CRB1: variants seen among roughly 807,000 people sequenced by gnomAD.
CRB1 encodes crumbs cell polarity complex component 1, also known as protein crumbs homolog 1.
CRB1 carries 83 observed loss-of-function variants against 120.0 expected under a neutral mutation model. The ratio of observed to expected loss-of-function variants is 0.69; its 90% CI spans 0.58 to 0.83. The LOEUF (loss-of-function observed/expected upper bound fraction) is 0.83, where lower values mean the gene tolerates loss of function less well. Ranked by LOEUF, CRB1 falls within the 40% of genes least tolerant of loss-of-function variation. The pLI is 0.00. For missense variants in CRB1, 1,699 were observed against 1,687.6 expected, an observed-to-expected ratio of 1.01 and a Z score of -0.12; for synonymous variants, 625 against 612.5, an observed-to-expected ratio of 1.02 and a Z score of -0.30.
chr1:197,447,794 C>T (rs1490201512), intron 11 of CRB1, among the ~76,000 whole-genome samples: 1 of 150,996 alleles, frequency 6.6e-6, no homozygotes, highest in Admixed American at 6.6e-5. Flanking sequence ...GTCGAGGCTG[C>T]CATGAGCCAT....
intron 5 of CRB1, among the ~76,000 whole-genome samples, chr1:197,418,521 T>C (rs1664118680): frequency 6.6e-6 from 1 of 152,208 alleles, no homozygotes; most frequent in Non-Finnish European, 1.5e-5. Context: ...TTGACAAAGC[T>C]TGTATGAAAG....
chr1:197,252,582 A>ATATGTGTGTGTGTGTGTGTG, the CRB1 span, among the ~76,000 whole-genome samples: 8 of 15,504 alleles, frequency 5.2e-4, no homozygotes, highest in Non-Finnish European at 8.3e-4. Flanking sequence ...ATATATATAT[A>ATATGTGTGTGTGTGTGTGTG]TGTGTGTGTG....
intron 3 of CRB1, among the ~76,000 whole-genome samples, chr1:197,345,825 C>G (rs954709531): frequency 6.6e-6 from 1 of 152,060 alleles, no homozygotes; most frequent in Admixed American, 6.5e-5. Flanking sequence ...TTTAATAGAA[C>G]AATGTGGTTG....
chr1:197,329,508 T>A (rs369176674), intron 2 of CRB1, among the ~76,000 whole-genome samples: 2 of 152,248 alleles, frequency 1.3e-5, no homozygotes, highest in Admixed American at 1.3e-4. Context: ...AGCCTGTTCT[T>A]GTTTTACGTC....
At chr1:197,280,743 T>C (rs1655472477) in intron 1 of CRB1, among the ~76,000 whole-genome samples, 1 of 151,932 alleles carries the variant, frequency 6.6e-6, no homozygotes, top group South Asian at 2.1e-4. Context: ...AGAAGGATAG[T>C]TTTTATTATG....
At chr1:197,291,427 C>T (rs1434919674) in intron 1 of CRB1, among the ~76,000 whole-genome samples, 1 of 151,718 alleles carries the variant, frequency 6.6e-6, no homozygotes, top group African/African-American at 2.4e-5. Context: ...TAGTTGGTTA[C>T]ATGTTTTATC....
chr1:197,430,607 G>C (rs1321266340), intron 8 of CRB1, among the ~76,000 whole-genome samples: 2 of 152,094 alleles, frequency 1.3e-5, no homozygotes, highest in African/African-American at 4.8e-5. Flanking sequence ...TCTTAACCCA[G>C]AGATTCACAG....
At chr1:197,308,353 C>G (rs1470272089) in intron 1 of CRB1, among the ~76,000 whole-genome samples, 1 of 152,144 alleles carries the variant, frequency 6.6e-6, no homozygotes, top group Non-Finnish European at 1.5e-5. Flanking sequence ...GATCCTTACT[C>G]CAGTCCTCAG....
rs1446955407 is a variant in CRB1 at position 197,414,070 on chromosome 1, A to G, written c.1172-6930A>G. 1.9e-5 allele frequency: 7 copies of G among 378,004 alleles called. No homozygotes were observed. In the East Asian group the frequency reaches 5.4e-4, roughly 29 times the overall value. The allele number at this position is 378,004 out of a possible 1,614,324, so 23.4% of individuals were successfully genotyped here. A position where few individuals can be genotyped will look rare whatever the true frequency, so the allele number is the denominator to read the frequency against. On this transcript the variant is annotated intron_variant, in intron 5 of 11. Transcript: ENST00000367400. ...GTGTTTTTAAGATGTTTATTTAGCAACTATTGTTTAATGCTATAACAGATA... is the reference window on the plus strand; with the variant it reads ...GTGTTTTTAAGATGTTTATTTAGCAGCTATTGTTTAATGCTATAACAGATA...
At chr1:197,446,139 G>A (rs575561942) in intron 11 of CRB1, among the ~76,000 whole-genome samples, 1 of 151,414 alleles carries the variant, frequency 6.6e-6, no homozygotes, top group Non-Finnish European at 1.5e-5. Flanking sequence ...GCAGTGAGCT[G>A]AGATCACACC....
chr1:197,417,219 G>A (rs1253176944), intron 5 of CRB1, among the ~76,000 whole-genome samples: 4 of 152,136 alleles, frequency 2.6e-5, no homozygotes, highest in Non-Finnish European at 5.9e-5. Context: ...TGGAAGGGAA[G>A]GAACAGGAAA....
chr1:197,422,346 G>T (rs1478437731), intron 6 of CRB1, among the ~76,000 whole-genome samples: 1 of 151,258 alleles, frequency 6.6e-6, no homozygotes, highest in Non-Finnish European at 1.5e-5. Context: ...AAATTTGTCA[G>T]TGCCACATAC....
chr1:197,230,574 T>G, the CRB1 span, among the ~76,000 whole-genome samples: 1 of 152,192 alleles, frequency 6.6e-6, no homozygotes, highest in Non-Finnish European at 1.5e-5. Flanking sequence ...TCTGATAAGT[T>G]ATTGATTGTA....
intron 1 of CRB1, among the ~76,000 whole-genome samples, chr1:197,309,539 G>A (rs978153460): frequency 7.9e-5 from 12 of 152,088 alleles, no homozygotes; most frequent in African/African-American, 2.9e-4. Context: ...CGGATCAGGA[G>A]GTCAGGAGAT....
chr1:197,254,351 A>T, the CRB1 span, among the ~76,000 whole-genome samples: 1 of 152,074 alleles, frequency 6.6e-6, no homozygotes, highest in Admixed American at 6.6e-5. Context: ...TACAAGAAAA[A>T]ATACTATAGG....
chr1:197,243,213 G>C, the CRB1 span, among the ~76,000 whole-genome samples: 7 of 151,944 alleles, frequency 4.6e-5, no homozygotes, highest in African/African-American at 1.7e-4. Context: ...ATTGTCGTTT[G>C]CTGACTTTTG....
intron 11 of CRB1, among the ~76,000 whole-genome samples, chr1:197,469,318 G>C (rs531323153): frequency 2.6e-5 from 4 of 152,166 alleles, no homozygotes; most frequent in Non-Finnish European, 5.9e-5. Flanking sequence ...ACGTAAGTAC[G>C]GTCATTTTTT....
intron 5 of CRB1, among the ~76,000 whole-genome samples, chr1:197,406,949 A>G (rs1247531713): frequency 6.6e-6 from 1 of 152,236 alleles, no homozygotes; most frequent in Non-Finnish European, 1.5e-5. Context: ...CAGAGAAACT[A>G]CATGGCTCCT....
chr1:197,295,113 T>C (rs907996025), intron 1 of CRB1, among the ~76,000 whole-genome samples: 6 of 152,046 alleles, frequency 3.9e-5, no homozygotes, highest in Non-Finnish European at 8.8e-5. Context: ...AAGTATTTTT[T>C]TTCATAAATG....
Sources: gnomAD v4.1 joint callset for allele counts (sites outside exome capture counted in the v4.1 genomes callset) on GRCh38, gnomAD v4.1.1 for gene constraint, MANE v1.5 for transcripts, NCBI Gene and HGNC (gene_info 2026-07-23, HGNC 2026-07-21) for gene names.